RSBN1L: variants seen among roughly 807,000 people sequenced by gnomAD.
RSBN1L encodes the protein round spermatid basic protein 1 like.
RSBN1L carries 30 observed loss-of-function variants against 67.7 expected under a neutral mutation model. The ratio of observed to expected loss-of-function variants is 0.44; its 90% confidence interval spans 0.33 to 0.60. The LOEUF is 0.60. RSBN1L is among the 20% of genes least tolerant of loss of function. The probability of loss-of-function intolerance (pLI) is 0.02; values close to 1 mark genes in which losing one functional copy is unlikely to be tolerated. For synonymous variants in RSBN1L, 433 were observed against 387.0 expected, an observed-to-expected ratio of 1.12 and a Z score of -1.39; for missense variants, 992 against 1,031.7, an observed-to-expected ratio of 0.96 and a Z score of 0.53.
chr7:77,781,122 A>G lies in RSBN1L; in HGVS notation c.*1954A>G, dbSNP rs1791992510. On this transcript the variant is annotated 3_prime_UTR_variant, in exon 8 of 8. Transcript: ENST00000334955. ...AAGAAGCATTTCACCAGAACAAGTA[A>G]AAGTTAATTGCAGCAATGATGTCAG... is the stretch of plus-strand genomic sequence containing the variant. The G allele has an allele frequency of 6.6e-6, 1 of 152,232 alleles. No individual in the cohort carries two copies. The highest frequency in any genetic ancestry group is 1.5e-5 in the Non-Finnish European group (1 of 68,038). 9.4% of individuals were successfully genotyped at this position (152,232 alleles called of 1,614,324 possible). A position where few individuals can be genotyped will look rare whatever the true frequency, so the allele number is the denominator to read the frequency against.
chr7:77,736,502 G>T lies in RSBN1L; in HGVS notation c.679G>T (p.Gly227Ter). 7.6e-7 allele frequency: 1 copy of T among 1,310,190 alleles called. No homozygotes were observed. The highest frequency in any genetic ancestry group is 1.4e-5 in the South Asian group (1 of 70,504). 81.2% of individuals were successfully genotyped at this position (1,310,190 alleles called of 1,614,324 possible). The change falls in exon 2 of 8, where the codon GGA becomes TGA. Residue 227 changes from glycine to a stop codon, truncating the protein, a stop_gained. Coordinates refer to ENST00000334955, the MANE Select transcript of RSBN1L (RefSeq NM_198467.3). LOFTEE classifies it high-confidence loss of function. ...KVMNEIKKEN[G>*]EVKILLKSGK... ...AATGAATGAGATCAAGAAAGAGAAT[G>T]GAGAAGTAAAGATTTTGCTGAAAAG... is the stretch of plus-strand genomic sequence containing the variant.
chr7:77,763,389 G>A (rs1266531701), intron 3 of RSBN1L, among the ~76,000 whole-genome samples: 2 of 151,978 alleles, frequency 1.3e-5, no homozygotes, highest in African/African-American at 4.8e-5. Flanking sequence ...AACCCCTTAT[G>A]GTCATTTGCA....
chr7:77,719,067 C>T (rs1419665002), intron 1 of RSBN1L, among the ~76,000 whole-genome samples: 4 of 152,170 alleles, frequency 2.6e-5, no homozygotes, highest in African/African-American at 9.7e-5. Context: ...AGAGTCTTGA[C>T]ACCCAGCGAC....
chr7:77,759,839 C>G (rs1791676421), intron 3 of RSBN1L: 1 of 152,048 alleles, frequency 6.6e-6, no homozygotes. Flanking sequence ...AATGCTGGAC[C>G]AAATAAGTAA....
In RSBN1L at chr7:77,696,538, A is replaced by G. The variant is rs527830775; in HGVS notation, c.69A>G (p.Lys23=). ...CCCCCACCGCCACCGTCTCGGAGAA[A>G]GAACCGTTTGGCAAGCTGCAACTCT... ...AAAPTATVSE[K]EPFGKLQLSS... The change falls in exon 1 of 8, where the codon AAA becomes AAG. Residue 23 remains lysine (K), a synonymous_variant. Transcript: ENST00000334955. 5.5e-5 allele frequency: 88 copies of G among 1,614,056 alleles called. 1 individual carries two copies. In the South Asian group the frequency reaches 8.3e-4, roughly 15 times the overall value.
intron 1 of RSBN1L, among the ~76,000 whole-genome samples, chr7:77,733,625 A>G (rs540900354): frequency 6.1e-4 from 93 of 152,008 alleles, no homozygotes; most frequent in African/African-American, 2.2e-3. Context: ...ATTTAATTAA[A>G]TAAATAATTT....
At chr7:77,731,740 A>T (rs916986990) in intron 1 of RSBN1L, among the ~76,000 whole-genome samples, 9 of 151,260 alleles carry the variant, frequency 6.0e-5, no homozygotes, top group African/African-American at 2.2e-4. Context: ...TTTTTAATCT[A>T]TTGTGCCTTT....
chr7:77,778,101 C>G (rs1221689250), intron 6 of RSBN1L, among the ~76,000 whole-genome samples: 1 of 152,152 alleles, frequency 6.6e-6, no homozygotes, highest in Non-Finnish European at 1.5e-5. Context: ...TTTCCAAACT[C>G]TTGTGACAAA....
intron 6 of RSBN1L, among the ~76,000 whole-genome samples, chr7:77,775,936 A>G (rs1791907956): frequency 6.6e-6 from 1 of 152,050 alleles, no homozygotes; most frequent in African/African-American, 2.4e-5. Flanking sequence ...CACACCTGTA[A>G]TCCCAGCTCC....
At chr7:77,739,663 T>C (rs1375739415) in intron 2 of RSBN1L, among the ~76,000 whole-genome samples, 1 of 133,804 alleles carries the variant, frequency 7.5e-6, no homozygotes, top group Non-Finnish European at 1.6e-5. Context: ...CAGCCGAGAT[T>C]GTGCCACTGC....
chr7:77,697,368 G>C, intron 1 of RSBN1L: 1 of 286,352 alleles, frequency 3.5e-6, no homozygotes, highest in Non-Finnish European at 6.5e-6. Flanking sequence ...GCTAGGGAGA[G>C]AGATGGAGGG....
chr7:77,696,913 C>T lies in RSBN1L; in HGVS notation c.444C>T (p.Ala148=), dbSNP rs1790739641. 1 of 1,604,380 alleles carries T rather than the reference C, an allele frequency of 6.2e-7. No individual in the cohort carries two copies. The highest frequency in any genetic ancestry group is 8.5e-7 in the Non-Finnish European group (1 of 1,179,578). The change falls in exon 1 of 8, where the codon GCC becomes GCT. Residue 148 remains alanine (A), a synonymous_variant. Coordinates refer to ENST00000334955, the MANE Select transcript of RSBN1L (RefSeq NM_198467.3). ...ACCATCTCCTCCTGCCCGCCGCCGC[C>T]GCCGCTGCCTCGGCTAACGCCAAGT... is the stretch of plus-strand genomic sequence containing the variant. ...QPHHLLLPAA[A]AAASANAKSR...
At chr7:77,741,963 C>T (rs1791416237) in intron 2 of RSBN1L, among the ~76,000 whole-genome samples, 1 of 151,872 alleles carries the variant, frequency 6.6e-6, no homozygotes, top group Non-Finnish European at 1.5e-5. Flanking sequence ...CCTAAGGCTA[C>T]TCCCAGGGCC....
At chr7:77,712,963 C>T (rs1790994976) in intron 1 of RSBN1L, among the ~76,000 whole-genome samples, 1 of 152,172 alleles carries the variant, frequency 6.6e-6, no homozygotes, top group Admixed American at 6.5e-5. Flanking sequence ...TGCTGTCTCA[C>T]TTGCATTATA....
chr7:77,745,035 G>A (rs1791462356), intron 2 of RSBN1L, among the ~76,000 whole-genome samples: 1 of 152,162 alleles, frequency 6.6e-6, no homozygotes, highest in Non-Finnish European at 1.5e-5. Flanking sequence ...GCTGAGGCGG[G>A]TGGATCACTG....
In RSBN1L at chr7:77,754,329, A is replaced by C. The variant is rs533342048; in HGVS notation, c.1344+4265A>C. ...AAGTTTCAAAGAGTTATCTGCTAGA[A>C]TATTGCTTAGTATTACATTAAGGCT... On this transcript the variant is annotated intron_variant, in intron 3 of 7. Coordinates refer to ENST00000334955, the MANE Select transcript of RSBN1L (RefSeq NM_198467.3). Among the ~76,000 whole-genome samples the C allele has an allele frequency of 2.6e-5, 4 of 152,324 alleles. No homozygotes were observed. The East Asian group carries it at 7.7e-4, about 29-fold the overall frequency.
chr7:77,707,650 G>A (rs1457023585), intron 1 of RSBN1L, among the ~76,000 whole-genome samples: 1 of 152,120 alleles, frequency 6.6e-6, no homozygotes. Flanking sequence ...AGGAGTAAAT[G>A]TTCACTATTA....
At position 77,736,429 on chromosome 7, in the gene RSBN1L, T is replaced by G; in HGVS notation, c.606T>G (p.Ile202Met). The change falls in exon 2 of 8, where the codon ATT (isoleucine) becomes ATG (methionine). Residue 202 changes from isoleucine to methionine, a missense_variant. Ile to Met is a conservative substitution (Grantham distance 10). Around this residue, in one of 7 missense-constraint regions of RSBN1L, gnomAD observed 575 missense variants for 483.2 expected, o/e 1.19. Coordinates refer to ENST00000334955, the MANE Select transcript of RSBN1L (RefSeq NM_198467.3). ...PLPRDKIKDK[I>M]KERDKEKERE... The stretch of plus-strand genomic sequence containing the variant: ...TTCCAGATAAAATCAAAGACAAAAT[T>G]AAAGAGAGAGACAAAGAAAAAGAAA... 9.2e-7 allele frequency: 1 copy of G among 1,086,982 alleles called. No individual in the cohort carries two copies. The highest frequency in any genetic ancestry group is 1.3e-6 in the Non-Finnish European group (1 of 782,470). 67.3% of individuals were successfully genotyped at this position (1,086,982 alleles called of 1,614,324 possible). A position where few individuals can be genotyped will look rare whatever the true frequency, so the allele number is the denominator to read the frequency against.
chr7:77,748,920 TC>T, intron 2 of RSBN1L, among the ~76,000 whole-genome samples: 1 of 148,490 alleles, frequency 6.7e-6, no homozygotes, highest in East Asian at 1.9e-4. Context: ...TCTGTCTCTC[TC>T]TTTCTCTCTC....
Sources: gnomAD v4.1 joint callset for allele counts (sites outside exome capture counted in the v4.1 genomes callset) on GRCh38, gnomAD v4.1.1 for gene constraint, gnomAD v4.1.1 regional missense constraint, MANE v1.5 for transcripts, NCBI Gene and HGNC (gene_info 2026-07-23, HGNC 2026-07-21) for gene names.